The following COL22A1 variants were observed in gnomAD, a reference collection of about 807,000 sequenced individuals.
The protein encoded by COL22A1 is collagen alpha-1(XXII) chain.
In COL22A1, 221 loss-of-function variants were observed where a neutral mutation model predicts 248.9. The ratio of observed to expected loss-of-function variants is 0.89; its 90% CI spans 0.80 to 0.99. The LOEUF (loss-of-function observed/expected upper bound fraction) is 0.99, where lower values mean the gene tolerates loss of function less well. COL22A1 is among the 50% of genes least tolerant of loss of function. The pLI is 0.00. For missense variants in COL22A1, 2,240 were observed against 2,179.0 expected (o/e 1.03, Z -0.56); for synonymous variants, 891 against 793.4 (o/e 1.12, Z -2.07).
chr8:138,833,258 G>A lies in COL22A1; in HGVS notation c.734-108C>T, dbSNP rs1012576977. The stretch of plus-strand genomic sequence containing the variant: ...AGGCAGCCTGCCCATCCTGCCCCAG[G>A]AGAACAGATCGGGAGGGAGTTGTTC... On this transcript the variant is annotated intron_variant, in intron 4 of 64. Coordinates refer to ENST00000303045, the MANE Select transcript of COL22A1 (RefSeq NM_152888.3). The A allele has an allele frequency of 9.2e-5, 69 of 747,522 alleles. 1 individual carries two copies. Among genetic ancestry groups the A allele is most frequent in the Non-Finnish European group, 1.5e-4 (63 of 418,322 alleles). 46.3% of individuals were successfully genotyped at this position (747,522 alleles called of 1,614,324 possible).
intron 22 of COL22A1, among the ~76,000 whole-genome samples, chr8:138,742,633 TGTGATG>T (rs1160210373): frequency 7.1e-6 from 1 of 139,872 alleles, no homozygotes; most frequent in African/African-American, 2.8e-5. Context: ...TGGTAGTGAT[TGTGATG>T]GTGATGGTGG....
chr8:138,605,675 T>A (rs1818367004), intron 58 of COL22A1, among the ~76,000 whole-genome samples: 1 of 152,128 alleles, frequency 6.6e-6, no homozygotes, highest in South Asian at 2.1e-4. Flanking sequence ...GCAAGCCTCA[T>A]TCATCAGGTC....
intron 12 of COL22A1, among the ~76,000 whole-genome samples, chr8:138,788,178 C>A (rs149707832): frequency 6.6e-6 from 1 of 152,150 alleles, no homozygotes; most frequent in African/African-American, 2.4e-5. Context: ...TCAGGCCCCA[C>A]CCCAGACATA....
At chr8:138,590,782 G>T (rs1261229659) in intron 64 of COL22A1, among the ~76,000 whole-genome samples, 2 of 152,096 alleles carry the variant, frequency 1.3e-5, no homozygotes, top group Non-Finnish European at 2.9e-5. Flanking sequence ...TTGCTGCATT[G>T]CAGAGATCTT....
chr8:138,814,555 C>T (rs1225533513), intron 7 of COL22A1, among the ~76,000 whole-genome samples: 1 of 152,160 alleles, frequency 6.6e-6, no homozygotes, highest in Non-Finnish European at 1.5e-5. Context: ...CAAACACTAG[C>T]AAGGAACTGA....
chr8:138,872,853 TG>T (rs1220978423), intron 3 of COL22A1, among the ~76,000 whole-genome samples: 14 of 152,246 alleles, frequency 9.2e-5, no homozygotes, highest in African/African-American at 3.4e-4. Flanking sequence ...GAAATGCGTC[TG>T]TAATAACACT....
Position 138,779,549 on chromosome 8 carries a change from T to A in COL22A1, c.1664A>T (p.Glu555Val). ...GSKGMRGEPGELGEPGLPGEV... is the reference protein window; with the variant it reads ...GSKGMRGEPGVLGEPGLPGEV... ...ACCCGGCAGCCCCGGCTCTCCCAGCTCTCCTGGCTCCCCCTGAACAAACAA... is the reference window on the plus strand; with the variant it reads ...ACCCGGCAGCCCCGGCTCTCCCAGCACTCCTGGCTCCCCCTGAACAAACAA... Residue 555 changes from glutamate to valine, a missense_variant, in exon 14 of 65, where the codon GAG becomes GTG. By Grantham distance (121) the Glu-to-Val change is moderately radical (BLOSUM62 -2). Coordinates refer to ENST00000303045, the MANE Select transcript of COL22A1 (RefSeq NM_152888.3). The A allele has an allele frequency of 6.2e-7, 1 of 1,613,122 alleles. No homozygotes were observed.
At chr8:138,685,993 G>A (rs10097897) in intron 37 of COL22A1, among the ~76,000 whole-genome samples, 1,611 of 152,104 alleles carry the variant, frequency 0.011, 29 homozygotes, top group African/African-American at 0.037. Context: ...ACTCCTCTGG[G>A]AGCGGAGACC....
chr8:138,899,532 CT>C (rs372519897), intron 1 of COL22A1, among the ~76,000 whole-genome samples: 6 of 151,086 alleles, frequency 4.0e-5, no homozygotes, highest in African/African-American at 1.2e-4. Context: ...TCATAATTTT[CT>C]TTTTTTTTGA....
rs554988185 is a variant in COL22A1, at chr8:138,651,611, T to C, written c.3334-1833A>G. ...TTAGATGAGCTGCTTTTGATAACTG[T>C]ACTTTGCTTGAAAGAGTAGCAGAGC... On this transcript the variant is annotated intron_variant, in intron 45 of 64. Coordinates refer to ENST00000303045, the MANE Select transcript of COL22A1 (RefSeq NM_152888.3). 1.2e-4 allele frequency among the ~76,000 whole-genome samples: 18 copies of C among 152,330 alleles called. No individual in the cohort carries two copies. In the South Asian group the frequency reaches 2.3e-3, roughly 19 times the overall value.
At chr8:138,755,650 AT>A in intron 19 of COL22A1, 134 bp downstream of exon 19, 1 of 1,345,664 alleles carries the variant, frequency 7.4e-7, no homozygotes. Context: ...ATTCTGCCCC[AT>A]TTTTAGTGTT....
chr8:138,611,995 A>G (rs1818900329), intron 56 of COL22A1, among the ~76,000 whole-genome samples: 1 of 152,226 alleles, frequency 6.6e-6, no homozygotes, highest in Non-Finnish European at 1.5e-5. Flanking sequence ...TCCATTACTC[A>G]TTCAAAAAAC....
intron 41 of COL22A1, among the ~76,000 whole-genome samples, chr8:138,664,252 CA>C: frequency 6.8e-6 from 1 of 147,466 alleles, no homozygotes; most frequent in South Asian, 2.2e-4. Context: ...CACACACACA[CA>C]CACAGATACA....
At chr8:138,771,837 GC>G (rs1423721469) in intron 16 of COL22A1, among the ~76,000 whole-genome samples, 3 of 152,146 alleles carry the variant, frequency 2.0e-5, no homozygotes, top group South Asian at 4.2e-4. Flanking sequence ...GGCAGACCTG[GC>G]CCCCCGGGGC....
At chr8:138,591,392 C>A (rs775971509) in intron 64 of COL22A1, 32 bp downstream of exon 64, 12 of 1,521,148 alleles carry the variant, frequency 7.9e-6, no homozygotes, top group Non-Finnish European at 9.8e-6. Flanking sequence ...GTAGCTCACA[C>A]CCTACCCCTG....
At chr8:138,773,639 A>G (rs768634208) in intron 16 of COL22A1, among the ~76,000 whole-genome samples, 7 of 152,200 alleles carry the variant, frequency 4.6e-5, no homozygotes, top group African/African-American at 7.2e-5. Context: ...AATATCCGCC[A>G]TGTGTTGGCA....
At chr8:138,819,665 T>G (rs2131741489) in intron 7 of COL22A1, among the ~76,000 whole-genome samples, 1 of 148,260 alleles carries the variant, frequency 6.7e-6, no homozygotes, top group Non-Finnish European at 1.5e-5. Context: ...ATAAACATTA[T>G]CTATATAATT....
intron 30 of COL22A1, among the ~76,000 whole-genome samples, chr8:138,705,079 G>C (rs779852359): frequency 3.9e-5 from 6 of 151,920 alleles, no homozygotes; most frequent in African/African-American, 9.7e-5. Context: ...GAAGTTTAGA[G>C]AAAAAAAGAG....
chr8:138,754,573 AC>A (rs1832844480), intron 21 of COL22A1, among the ~76,000 whole-genome samples: 2 of 152,300 alleles, frequency 1.3e-5, no homozygotes, highest in South Asian at 4.1e-4. Context: ...TAAAGCAGGG[AC>A]CCTGTGGAGG....
Sources: allele counts gnomAD v4.1 joint callset (sites outside exome capture counted in the v4.1 genomes callset), GRCh38; gene constraint gnomAD v4.1.1; transcripts MANE v1.5; gene names NCBI Gene and HGNC (gene_info 2026-07-23, HGNC 2026-07-21).